The following TRAF3IP2 variants were observed in gnomAD, a reference collection of about 807,000 sequenced individuals.
TRAF3IP2 encodes the protein TRAF3 interacting protein 2.
TRAF3IP2 carries 35 observed loss-of-function variants against 57.9 expected under a neutral mutation model. That is an observed-to-expected ratio of 0.60 (90% confidence interval 0.46 to 0.80). The LOEUF is 0.80. Among genes scored for constraint, TRAF3IP2 ranks in the 30% least tolerant of loss-of-function variants. The probability of loss-of-function intolerance (pLI) is 0.00; values close to 1 mark genes in which losing one functional copy is unlikely to be tolerated. For missense variants in TRAF3IP2, 556 were observed against 706.4 expected (o/e 0.79, Z 2.41); for synonymous variants, 251 against 268.9 (o/e 0.93, Z 0.65).
intron 7 of TRAF3IP2, among the ~76,000 whole-genome samples, chr6:111,564,730 G>A (rs1271234561): frequency 2.0e-5 from 3 of 152,188 alleles, no homozygotes; most frequent in African/African-American, 7.2e-5. Context: ...CGACAGTTTG[G>A]TTCCAGTTGG....
At chr6:111,593,689 G>A (rs174386) in intron 1 of TRAF3IP2, among the ~76,000 whole-genome samples, 110,694 of 151,888 alleles carry the variant, frequency 0.73, 41,046 homozygotes, top group Admixed American at 0.81. Flanking sequence ...CCCTTTCCCT[G>A]TCCTTGTCCT....
In TRAF3IP2 at chr6:111,558,395, G is replaced by A. The variant is rs1405339654; in HGVS notation, c.*1010C>T. ...ATACTATTTAGAATCATGGCTGTAT[G>A]CTATATAAAGTTGTTTTGTTAAAAA... On this transcript the variant is annotated 3_prime_UTR_variant, in exon 9 of 9. Transcript: ENST00000368761. 3 of 152,196 alleles carry A rather than the reference G, an allele frequency of 2.0e-5. No homozygotes were observed. The highest frequency in any genetic ancestry group is 7.2e-5 in the African/African-American group (3 of 41,450). 9.4% of individuals were successfully genotyped at this position (152,196 alleles called of 1,614,324 possible).
chr6:111,573,028 C>A (rs1347508446), intron 4 of TRAF3IP2, 45 bp from the exon 5 acceptor site: 2 of 1,394,106 alleles, frequency 1.4e-6, no homozygotes, highest in Non-Finnish European at 2.0e-6. Context: ...TCAAATTATT[C>A]TATTGTAAAC....
chr6:111,567,486 C>T, intron 6 of TRAF3IP2, 138 bp downstream of exon 6: 4 of 1,317,872 alleles, frequency 3.0e-6, no homozygotes, highest in Non-Finnish European at 2.9e-6. Context: ...TGCACGGCTT[C>T]CAACAAGGGA....
At chr6:111,570,964 T>G (rs1795810583) in intron 5 of TRAF3IP2, among the ~76,000 whole-genome samples, 1 of 151,678 alleles carries the variant, frequency 6.6e-6, no homozygotes. Context: ...TGGAGTGCAG[T>G]GGTGTGATGC....
At chr6:111,572,858 A>G in intron 5 of TRAF3IP2, 37 bp downstream of exon 5, 6 of 1,500,650 alleles carry the variant, frequency 4.0e-6, no homozygotes, top group Non-Finnish European at 3.7e-6. Context: ...TGTACTCACT[A>G]TAACTGTTCA....
At chr6:111,599,011 C>T (rs1796777809) in intron 1 of TRAF3IP2, among the ~76,000 whole-genome samples, 1 of 152,006 alleles carries the variant, frequency 6.6e-6, no homozygotes, top group African/African-American at 2.4e-5. Flanking sequence ...GTCTTCCTCC[C>T]ACCTTAGCCT....
At chr6:111,561,260 T>C (rs1309485021) in intron 8 of TRAF3IP2, among the ~76,000 whole-genome samples, 1 of 149,908 alleles carries the variant, frequency 6.7e-6, no homozygotes, top group Non-Finnish European at 1.5e-5. Context: ...GCCAACATGG[T>C]GAAACCCCAT....
Position 111,558,848 on chromosome 6 carries a change from A to G in TRAF3IP2, c.*557T>C, listed in dbSNP as rs190544260. ...TGGTCTGTTATATTTATCTAATATT[A>G]TATCTAAGCAGCTTTGTTGATGTCC... is the stretch of plus-strand genomic sequence containing the variant. On this transcript the variant is annotated 3_prime_UTR_variant, in exon 9 of 9. Transcript: ENST00000368761. The G allele has an allele frequency of 6.6e-6, 1 of 152,292 alleles. No homozygotes were observed. The highest frequency in any genetic ancestry group is 2.4e-5 in the African/African-American group (1 of 41,472). 9.4% of individuals were successfully genotyped at this position (152,292 alleles called of 1,614,324 possible).
In TRAF3IP2 at chr6:111,556,157, A is replaced by C. The variant is rs995445571; in HGVS notation, c.*3248T>G. On this transcript the variant is annotated 3_prime_UTR_variant, in exon 9 of 9. Transcript: ENST00000368761. Reference sequence around the variant, plus strand: ...TTGGTGGTCATCGGATCTCATAGAAATTTCAGGGGCCAAGCTTTTGTCACT... The same window carrying C: ...TTGGTGGTCATCGGATCTCATAGAACTTTCAGGGGCCAAGCTTTTGTCACT... Among the ~76,000 whole-genome samples the C allele has an allele frequency of 1.3e-5, 2 of 151,150 alleles. No homozygotes were observed. Among genetic ancestry groups the C allele is most frequent in the African/African-American group, 4.9e-5 (2 of 41,158 alleles).
intron 2 of TRAF3IP2, among the ~76,000 whole-genome samples, chr6:111,586,184 C>T (rs1315990276): frequency 2.0e-5 from 3 of 152,040 alleles, no homozygotes; most frequent in South Asian, 2.1e-4. Context: ...TCATTTCTTC[C>T]ATCTGGTTTA....
Position 111,600,640 on chromosome 6 carries a change from A to T in TRAF3IP2, c.-9+5136T>A, listed in dbSNP as rs930956941. ...CATATTCTGCTCCTTTTTTATTTTTATTTTTTTTAAGAAAAGACACCCTTT... is the reference window on the plus strand; with the variant it reads ...CATATTCTGCTCCTTTTTTATTTTTTTTTTTTTTAAGAAAAGACACCCTTT... On this transcript the variant is annotated intron_variant, in intron 1 of 8. Coordinates refer to ENST00000368761, the MANE Select transcript of TRAF3IP2 (RefSeq NM_147686.4). 1 of 151,936 alleles carries T rather than the reference A, an allele frequency of 6.6e-6. No homozygotes were observed. The highest frequency in any genetic ancestry group is 2.4e-5 in the African/African-American group (1 of 41,334). The allele number at this position is 151,936 out of a possible 1,614,324, so 9.4% of individuals were successfully genotyped here.
intron 4 of TRAF3IP2, chr6:111,573,458 T>C (rs1562423543): frequency 6.5e-6 from 1 of 153,854 alleles, no homozygotes; most frequent in African/African-American, 2.4e-5. Flanking sequence ...CTTCTGACAA[T>C]AGCAAGTGGG....
Position 111,591,144 on chromosome 6 carries a change from C to A in TRAF3IP2, c.829+114G>T. ...AAGCCCCTAAGAGAAGCAGAATGCCCTCCCTGCATTCTGACCTGTTCATGC... is the reference window on the plus strand; with the variant it reads ...AAGCCCCTAAGAGAAGCAGAATGCCATCCCTGCATTCTGACCTGTTCATGC... On this transcript the variant is annotated intron_variant, in intron 2 of 8. Coordinates refer to ENST00000368761, the MANE Select transcript of TRAF3IP2 (RefSeq NM_147686.4). This position sits in a 1 kb window ranked among gnomAD's most constrained non-coding sequence, Gnocchi z 4.9. 1 of 760,354 alleles carries A rather than the reference C, an allele frequency of 1.3e-6. No individual in the cohort carries two copies. 47.1% of individuals were successfully genotyped at this position (760,354 alleles called of 1,614,324 possible). A position where few individuals can be genotyped will look rare whatever the true frequency, so the allele number is the denominator to read the frequency against.
chr6:111,569,050 A>G (rs938965561), intron 5 of TRAF3IP2, among the ~76,000 whole-genome samples: 1 of 152,240 alleles, frequency 6.6e-6, no homozygotes, highest in Non-Finnish European at 1.5e-5. Context: ...ATACCGAACT[A>G]TCACATACAT....
chr6:111,597,867 C>A (rs1796742076), intron 1 of TRAF3IP2: 1 of 455,958 alleles, frequency 2.2e-6, no homozygotes, highest in East Asian at 7.0e-5. Flanking sequence ...GCTTGTAACT[C>A]TGGCATGACC....
In TRAF3IP2 at chr6:111,559,150, T is replaced by C. The variant is rs557516296; in HGVS notation, c.*255A>G. On this transcript the variant is annotated 3_prime_UTR_variant, in exon 9 of 9. Coordinates refer to ENST00000368761, the MANE Select transcript of TRAF3IP2 (RefSeq NM_147686.4). The stretch of plus-strand genomic sequence containing the variant: ...ACATCAAACTGTCAGGAGGAACATA[T>C]GGGACACTGGCACCTGCAATGGTTT... 2.3e-6 allele frequency: 1 copy of C among 431,092 alleles called. No individual in the cohort carries two copies. The highest frequency in any genetic ancestry group is 3.6e-5 in the East Asian group (1 of 27,832). The allele number at this position is 431,092 out of a possible 1,614,324, so 26.7% of individuals were successfully genotyped here.
rs1294703553 is a variant in TRAF3IP2 at position 111,556,688 on chromosome 6, C to CTAT, written c.*2714_*2716dup. On this transcript the variant is annotated 3_prime_UTR_variant, in exon 9 of 9. Coordinates refer to ENST00000368761, the MANE Select transcript of TRAF3IP2 (RefSeq NM_147686.4). ...TTATGCTAGTTTTTCTTCTCTTTTC[C>CTAT]TATTTTTTAAAGAACAAAGACATTC... The CTAT allele has an allele frequency of 6.6e-6, 1 of 152,174 alleles. No individual in the cohort carries two copies. The highest frequency in any genetic ancestry group is 1.5e-5 in the Non-Finnish European group (1 of 68,026). 9.4% of individuals were successfully genotyped at this position (152,174 alleles called of 1,614,324 possible). A position where few individuals can be genotyped will look rare whatever the true frequency, so the allele number is the denominator to read the frequency against.
At chr6:111,598,586 A>G (rs1179843458) in intron 1 of TRAF3IP2, among the ~76,000 whole-genome samples, 1 of 152,204 alleles carries the variant, frequency 6.6e-6, no homozygotes, top group Non-Finnish European at 1.5e-5. Context: ...CACAGTGTGT[A>G]GGGTATGCCA....
Sources: gnomAD v4.1 joint callset for allele counts (sites outside exome capture counted in the v4.1 genomes callset) on GRCh38, gnomAD v4.1.1 for gene constraint, Gnocchi (gnomAD v3.1) non-coding constraint, MANE v1.5 for transcripts, NCBI Gene and HGNC (gene_info 2026-07-23, HGNC 2026-07-21) for gene names.